SLITRK1: variants seen among roughly 807,000 people sequenced by gnomAD.
The protein encoded by SLITRK1 is SLIT and NTRK-like protein 1.
A neutral mutation model predicts 42.4 loss-of-function variants in SLITRK1; 10 were observed. The ratio of observed to expected loss-of-function variants is 0.24; its 90% confidence interval spans 0.15 to 0.40. The LOEUF (loss-of-function observed/expected upper bound fraction) is 0.40. Among genes scored for constraint, SLITRK1 ranks in the 10% least tolerant of loss-of-function variants. The probability of loss-of-function intolerance (pLI) is 1.00; values close to 1 mark genes in which losing one functional copy is unlikely to be tolerated. For missense variants in SLITRK1, 778 were observed against 848.8 expected (o/e 0.92, Z 1.04); for synonymous variants, 389 against 365.7 (o/e 1.06, Z -0.73).
rs1428512103 is a variant in SLITRK1 at position 83,881,047 on chromosome 13, T to A, written c.461A>T (p.Asn154Ile). ...DIDPGAFQDL[N>I]KLEVLILNDN... ...ATTTAAAATGAGCACCTCCAGCTTG[T>A]TCAAGTCCTGGAAGGCCCCCGGGTC... The change falls in exon 2 of 2, where the codon AAC becomes ATC. Residue 154 changes from asparagine to isoleucine, a missense_variant. Asn to Ile is a moderately radical substitution (Grantham distance 149). Around this residue, in one of 4 missense-constraint regions of SLITRK1, gnomAD observed 204 missense variants for 295.3 expected, o/e 0.69. Coordinates refer to ENST00000674365, the MANE Select transcript of SLITRK1 (RefSeq NM_001281503.2). 1.2e-6 allele frequency: 2 copies of A among 1,614,038 alleles called. No homozygotes were observed. Among genetic ancestry groups the A allele is most frequent in the South Asian group, 2.2e-5 (2 of 91,072 alleles).
At position 83,880,420 on chromosome 13, in the gene SLITRK1, T is replaced by A; in HGVS notation, c.1088A>T (p.Asn363Ile). The A allele has an allele frequency of 6.2e-7, 1 of 1,614,008 alleles. No individual in the cohort carries two copies. Reference sequence around the variant, plus strand: ...CTTCAAATCAGCCAAGCTGCTCACGTTCCTGTTGTTGCAGTTCATCTTTAA... The same window carrying A: ...CTTCAAATCAGCCAAGCTGCTCACGATCCTGTTGTTGCAGTTCATCTTTAA... ...SGLKMNCNNR[N>I]VSSLADLKPK... Residue 363 changes from asparagine to isoleucine, a missense_variant, in exon 2 of 2, where the codon AAC (asparagine) becomes ATC (isoleucine). Physicochemically the swap from Asn to Ile is moderately radical, Grantham distance 149. This residue lies in a region of SLITRK1 where 395 missense variants were observed against 360.4 expected (regional missense o/e 1.10). Coordinates refer to ENST00000674365, the MANE Select transcript of SLITRK1 (RefSeq NM_001281503.2).
At position 83,879,463 on chromosome 13, in the gene SLITRK1, C is replaced by G; in HGVS notation, c.2045G>C (p.Gly682Ala). 2 of 1,613,834 alleles carry G rather than the reference C, an allele frequency of 1.2e-6. No individual in the cohort carries two copies. The highest frequency in any genetic ancestry group is 1.7e-6 in the Non-Finnish European group (2 of 1,180,014). Reference sequence around the variant, plus strand: ...GCCACAGTCATACACTCTGTGGGCCCCATCTGCGTTGTAAGGCCCATTGTG... The same window carrying G: ...GCCACAGTCATACACTCTGTGGGCCGCATCTGCGTTGTAAGGCCCATTGTG... Reference protein sequence around the residue: ...YWHNGPYNADGAHRVYDCGSH... With the variant: ...YWHNGPYNADAAHRVYDCGSH... The change falls in exon 2 of 2, where the codon GGG becomes GCG. Residue 682 changes from glycine to alanine, a missense_variant. Around this residue, in one of 4 missense-constraint regions of SLITRK1, gnomAD observed 164 missense variants for 158.2 expected, o/e 1.04. Transcript: ENST00000674365.
At position 83,879,573 on chromosome 13, in the gene SLITRK1, G is replaced by A. The variant is rs774976551; in HGVS notation, c.1935C>T (p.Asn645=). The A allele has an allele frequency of 2.5e-6, 4 of 1,614,076 alleles. No individual in the cohort carries two copies. Among genetic ancestry groups the A allele is most frequent in the Non-Finnish European group, 3.4e-6 (4 of 1,180,018 alleles). ...CATCTCGTCTCTTGGACCGCTTTCG[G>A]TTCCTCAGGATAAACACGAGCATGC... ...VVGMLVFILR[N]RKRSKRRDAN... Residue 645 remains asparagine (N), a synonymous_variant, in exon 2 of 2, where the codon AAC becomes AAT. Coordinates refer to ENST00000674365, the MANE Select transcript of SLITRK1 (RefSeq NM_001281503.2).
Position 83,880,502 on chromosome 13 carries a change from C to T in SLITRK1, c.1006G>A (p.Ala336Thr). Reference sequence around the variant, plus strand: ...CCCCCAGGGCAGGGTAAACTGTTAGCTAAGGGTTTGTTCCTGGAGCTACCC... The same window carrying T: ...CCCCCAGGGCAGGGTAAACTGTTAGTTAAGGGTTTGTTCCTGGAGCTACCC... ...ATGSSRNKPL[A>T]NSLPCPGGCS... The change falls in exon 2 of 2, where the codon GCT (alanine) becomes ACT (threonine). Residue 336 changes from alanine (A) to threonine (T), a missense_variant. Physicochemically the swap from Ala to Thr is moderately conservative, Grantham distance 58. Coordinates refer to ENST00000674365, the MANE Select transcript of SLITRK1 (RefSeq NM_001281503.2). 4 of 1,614,074 alleles carry T rather than the reference C, an allele frequency of 2.5e-6. No individual in the cohort carries two copies. Among genetic ancestry groups the T allele is most frequent in the Non-Finnish European group, 3.4e-6 (4 of 1,180,022 alleles).
At position 83,880,030 on chromosome 13, in the gene SLITRK1, C is replaced by T. The variant is rs777400552; in HGVS notation, c.1478G>A (p.Gly493Glu). 1.2e-6 allele frequency: 2 copies of T among 1,613,832 alleles called. No homozygotes were observed. Among genetic ancestry groups the T allele is most frequent in the Non-Finnish European group, 1.7e-6 (2 of 1,180,000 alleles). The change falls in exon 2 of 2, where the codon GGG becomes GAG. Residue 493 changes from glycine (G) to glutamate (E), a missense_variant. This residue lies in a region of SLITRK1 where 395 missense variants were observed against 360.4 expected (regional missense o/e 1.10). Coordinates refer to ENST00000674365, the MANE Select transcript of SLITRK1 (RefSeq NM_001281503.2). ...CAGGCTGAGTTTAGAGAGCGAGACCCCAGCGAACACGTCCACAGGCAGGGA... is the reference window on the plus strand; with the variant it reads ...CAGGCTGAGTTTAGAGAGCGAGACCTCAGCGAACACGTCCACAGGCAGGGA... The part of the protein sequence containing the change: ...LRSLPVDVFA[G>E]VSLSKLSLHN...
chr13:83,882,248 G>A lies in SLITRK1; in HGVS notation c.-298C>T, dbSNP rs896571880. ...CTTTCCTCCCCTTCGGTCCTCTTAA[G>A]GCTTTTTTTTTTCTTTTCTGTGCTC... On this transcript the variant is annotated 5_prime_UTR_variant, in exon 1 of 2. Coordinates refer to ENST00000674365, the MANE Select transcript of SLITRK1 (RefSeq NM_001281503.2). 3.6e-5 allele frequency: 6 copies of A among 166,328 alleles called. No homozygotes were observed. Among genetic ancestry groups the A allele is most frequent in the African/African-American group, 1.5e-4 (6 of 41,190 alleles). 10.3% of individuals were successfully genotyped at this position (166,328 alleles called of 1,614,324 possible). A position where few individuals can be genotyped will look rare whatever the true frequency, so the allele number is the denominator to read the frequency against.
rs1366603251 is a variant in SLITRK1, at chr13:83,880,522, C to T, written c.986G>A (p.Ser329Asn). The T allele has an allele frequency of 6.2e-7, 1 of 1,614,128 alleles. No individual in the cohort carries two copies. Among genetic ancestry groups the T allele is most frequent in the South Asian group, 1.1e-5 (1 of 91,084 alleles). The stretch of plus-strand genomic sequence containing the variant: ...GTTAGCTAAGGGTTTGTTCCTGGAG[C>T]TACCCGTCGCTATCGCTGCTGTGGG... The part of the protein sequence containing the change: ...IRPTAAIATG[S>N]SRNKPLANSL... Residue 329 changes from serine (S) to asparagine (N), a missense_variant, in exon 2 of 2, where the codon AGC becomes AAC. Transcript: ENST00000674365.
At position 83,880,288 on chromosome 13, in the gene SLITRK1, C is replaced by G; in HGVS notation, c.1220G>C (p.Gly407Ala). The change falls in exon 2 of 2, where the codon GGC (glycine) becomes GCC (alanine). Residue 407 changes from glycine (G) to alanine (A), a missense_variant. Transcript: ENST00000674365. ...DYKNLILLDL[G>A]NNNIATVENN... is the part of the protein sequence containing the mutation. ...CTCTACAGTAGCGATGTTATTGTTG[C>G]CCAGATCCAACAGAATGAGGTTCTT... 6.2e-7 allele frequency: 1 copy of G among 1,613,904 alleles called. No individual in the cohort carries two copies. The highest frequency in any genetic ancestry group is 1.1e-5 in the South Asian group (1 of 91,060).
rs773066793 is a variant in SLITRK1, at chr13:83,880,602, C to T, written c.906G>A (p.Gly302=). The change falls in exon 2 of 2, where the codon GGG becomes GGA. Residue 302 remains glycine (G), a synonymous_variant. Transcript: ENST00000674365. ...TCTTTGTACCTCCGTTTGGAGCAGACCCTGGTGTGGCATGATCCTCTTGCC... is the reference window on the plus strand; with the variant it reads ...TCTTTGTACCTCCGTTTGGAGCAGATCCTGGTGTGGCATGATCCTCTTGCC... ...TNGQEDHATP[G]SAPNGGTKIP... The T allele has an allele frequency of 1.9e-6, 3 of 1,614,102 alleles. No individual in the cohort carries two copies. Among genetic ancestry groups the T allele is most frequent in the Non-Finnish European group, 1.7e-6 (2 of 1,180,024 alleles).
In SLITRK1 at chr13:83,880,675, T is replaced by C. The variant is rs369514657; in HGVS notation, c.833A>G (p.Glu278Gly). ...CAGGGGTCCAGGAGCAAAGGTCTCT[T>C]CTTGGGCAGGGGGCGCCGGGAGACT... ...DSSLPAPPAQEETFAPGPLPT... is the reference protein window; with the variant it reads ...DSSLPAPPAQGETFAPGPLPT... Residue 278 changes from glutamate (E) to glycine (G), a missense_variant, in exon 2 of 2, where the codon GAA (glutamate) becomes GGA (glycine). This residue lies in a region of SLITRK1 where 395 missense variants were observed against 360.4 expected (regional missense o/e 1.10). Transcript: ENST00000674365. The C allele has an allele frequency of 9.3e-6, 15 of 1,613,962 alleles. No homozygotes were observed. Among genetic ancestry groups the C allele is most frequent in the Non-Finnish European group, 1.3e-5 (15 of 1,180,018 alleles).
rs370900767 is a variant in SLITRK1 at position 83,879,659 on chromosome 13, T to C, written c.1849A>G (p.Ile617Val). 17 of 1,613,444 alleles carry C rather than the reference T, an allele frequency of 1.1e-5. No homozygotes were observed. The highest frequency in any genetic ancestry group is 1.4e-5 in the Non-Finnish European group (16 of 1,179,868). ...NSYLDTSRVS[I>V]SVLVPGLLLV... ...AGCAGTCCCGGGACCAACACCGAGATGGACACCCTGCTGGTGTCTAGGTAG... is the reference window on the plus strand; with the variant it reads ...AGCAGTCCCGGGACCAACACCGAGACGGACACCCTGCTGGTGTCTAGGTAG... The change falls in exon 2 of 2, where the codon ATC (isoleucine) becomes GTC (valine). Residue 617 changes from isoleucine (I) to valine (V), a missense_variant. By Grantham distance (29) the Ile-to-Val change is conservative. Transcript: ENST00000674365.
chr13:83,881,638 G>C (rs1884816415), intron 1 of SLITRK1, 78 bp from the exon 2 acceptor site: 4 of 1,049,290 alleles, frequency 3.8e-6, no homozygotes, highest in East Asian at 2.7e-5. Flanking sequence ...AAAGGGTTTG[G>C]GGGGGTGGGG....
intron 1 of SLITRK1, 47 bp from the exon 2 acceptor site, chr13:83,881,607 C>G: frequency 7.3e-7 from 1 of 1,366,992 alleles, no homozygotes; most frequent in South Asian, 1.2e-5. Context: ...CTCCAATGTC[C>G]GAAGCCAGGA....
chr13:83,879,082 G>T lies in SLITRK1; in HGVS notation c.*335C>A. On this transcript the variant is annotated 3_prime_UTR_variant, in exon 2 of 2. Coordinates refer to ENST00000674365, the MANE Select transcript of SLITRK1 (RefSeq NM_001281503.2). ...TATATGTATATATGTATAGAACCGC[G>T]GCATCCAACCCCACAGGCCCCGGGG... 1 of 390,238 alleles carries T rather than the reference G, an allele frequency of 2.6e-6. No homozygotes were observed. Among genetic ancestry groups the T allele is most frequent in the South Asian group, 2.3e-5 (1 of 43,448 alleles). 24.2% of individuals were successfully genotyped at this position (390,238 alleles called of 1,614,324 possible).
At chr13:83,881,598 T>C in intron 1 of SLITRK1, 38 bp from the exon 2 acceptor site, 1 of 723,218 alleles carries the variant, frequency 1.4e-6, no homozygotes, top group Non-Finnish European at 2.2e-6. Context: ...CATTTAGTGC[T>C]CCAATGTCCG....
At chr13:83,881,787 C>T in intron 1 of SLITRK1, 1 of 423,866 alleles carries the variant, frequency 2.4e-6, no homozygotes, top group South Asian at 4.2e-5. Context: ...AAAAAAACCC[C>T]ACTCCCCCAC....
At position 83,879,782 on chromosome 13, in the gene SLITRK1, C is replaced by T. The variant is rs1884770810; in HGVS notation, c.1726G>A (p.Glu576Lys). The T allele has an allele frequency of 1.2e-6, 2 of 1,613,876 alleles. No homozygotes were observed. The highest frequency in any genetic ancestry group is 1.3e-5 in the African/African-American group (1 of 74,900). The change falls in exon 2 of 2, where the codon GAG becomes AAG. Residue 576 changes from glutamate (E) to lysine (K), a missense_variant. Glu to Lys is a moderately conservative substitution (Grantham distance 56). Transcript: ENST00000674365. ...CTAGCGTACAGCTGAGGGCAGATCT[C>T]GTCATTGGAGAGGAGCATGAAATCC... ...RKDFMLLSND[E>K]ICPQLYARIS...
Position 83,880,192 on chromosome 13 carries a change from G to A in SLITRK1, c.1316C>T (p.Ser439Phe), listed in dbSNP as rs779231728. 3.1e-6 allele frequency: 5 copies of A among 1,613,884 alleles called. No individual in the cohort carries two copies. Among genetic ancestry groups the A allele is most frequent in the African/African-American group, 2.7e-5 (2 of 74,852 alleles). Residue 439 changes from serine (S) to phenylalanine (F), a missense_variant, in exon 2 of 2, where the codon TCC (serine) becomes TTC (phenylalanine). Around this residue, in one of 4 missense-constraint regions of SLITRK1, gnomAD observed 395 missense variants for 360.4 expected, o/e 1.10. Transcript: ENST00000674365. ...YMDSNYLDTL[S>F]REKFAGLQNL... ...TTGCAGCCCCGCGAATTTCTCCCGG[G>A]ACAGCGTGTCCAGGTAATTGCTATC...
chr13:83,879,336 C>G lies in SLITRK1; in HGVS notation c.*81G>C, dbSNP rs1884755693. 6.4e-7 allele frequency: 1 copy of G among 1,565,382 alleles called. No individual in the cohort carries two copies. The highest frequency in any genetic ancestry group is 8.7e-7 in the Non-Finnish European group (1 of 1,151,476). ...CTGATGGCGCGGGGATTTGGGTACA[C>G]GCCCCTCCAGCCCCCGGGGTGCCTG... On this transcript the variant is annotated 3_prime_UTR_variant, in exon 2 of 2. Coordinates refer to ENST00000674365, the MANE Select transcript of SLITRK1 (RefSeq NM_001281503.2).
Sources: allele counts gnomAD v4.1 joint callset, GRCh38; gene constraint gnomAD v4.1.1; regional missense constraint gnomAD v4.1.1; transcripts MANE v1.5; gene names NCBI Gene and HGNC (gene_info 2026-07-23, HGNC 2026-07-21).